ATPAF1: variants seen among roughly 807,000 people sequenced by gnomAD.
ATPAF1 encodes the protein ATP synthase mitochondrial F1 complex assembly factor 1.
Under a neutral mutation model 43.9 loss-of-function variants are expected in ATPAF1, and 26 were observed. That is an observed-to-expected ratio of 0.59 (90% CI 0.43 to 0.82). The LOEUF is 0.82. Among genes scored for constraint, ATPAF1 ranks in the 40% least tolerant of loss-of-function variants. The pLI, the probability that ATPAF1 is intolerant of heterozygous loss-of-function variation, is 0.00. For missense variants in ATPAF1, 366 were observed against 435.0 expected (o/e 0.84, Z 1.41); for synonymous variants, 157 against 168.0 (o/e 0.93, Z 0.50).
intron 6 of ATPAF1, among the ~76,000 whole-genome samples, chr1:46,646,205 T>A (rs1569604016): frequency 6.6e-6 from 1 of 152,210 alleles, no homozygotes; most frequent in Admixed American, 6.5e-5. Flanking sequence ...TATCAAAGTG[T>A]GTGTATCCTT....
intron 1 of ATPAF1, chr1:46,665,683 G>T (rs1271420970): frequency 2.0e-6 from 3 of 1,535,552 alleles, no homozygotes; most frequent in East Asian, 2.4e-5. Flanking sequence ...CATCTTGCTG[G>T]ATCACCTCTT....
chr1:46,661,897 C>T (rs656263), intron 2 of ATPAF1, among the ~76,000 whole-genome samples: 115,887 of 147,544 alleles, frequency 0.79, 45,146 homozygotes, highest in Middle Eastern at 0.83. Context: ...AAATTTCTTT[C>T]TTTTTTTTTT....
intron 6 of ATPAF1, among the ~76,000 whole-genome samples, chr1:46,652,205 C>CAAAAAA (rs10718568): frequency 9.1e-6 from 1 of 109,792 alleles, no homozygotes. Context: ...ATAATAAAAG[C>CAAAAAA]AAAAAAAAAA....
At chr1:46,635,808 G>A (rs1001136725) in exon 9 of ATPAF1, 4 of 1,614,060 alleles carry the variant, frequency 2.5e-6, no homozygotes, top group Non-Finnish European at 3.4e-6. Flanking sequence ...GCACATTTCA[G>A]TTCTGCTCCA....
At chr1:46,632,806 T>C (rs1260181102), downstream of ATPAF1, 2 of 152,658 alleles carry the variant, frequency 1.3e-5, no homozygotes, top group Admixed American at 1.3e-4. Flanking sequence ...CCAGGCCATG[T>C]CCTTGGCACT....
intron 1 of ATPAF1, chr1:46,665,712 C>T: frequency 1.3e-6 from 2 of 1,531,302 alleles, no homozygotes; most frequent in Non-Finnish European, 1.7e-6. Context: ...AATCCTATAG[C>T]CTCCTTACTA....
At chr1:46,652,306 G>T in intron 6 of ATPAF1, 1 of 306,210 alleles carries the variant, frequency 3.3e-6, no homozygotes, top group Non-Finnish European at 6.1e-6. Context: ...AAGGGCTGAT[G>T]TGGTAGGGAG....
chr1:46,657,326 T>C (rs1416379464), intron 4 of ATPAF1, among the ~76,000 whole-genome samples: 1 of 151,988 alleles, frequency 6.6e-6, no homozygotes, highest in Non-Finnish European at 1.5e-5. Flanking sequence ...GAATCACAGG[T>C]ATAAAAATAT....
chr1:46,658,704 C>T (rs770441484), exon 3 of ATPAF1: 3 of 1,602,574 alleles, frequency 1.9e-6, no homozygotes, highest in African/African-American at 2.7e-5. Context: ...TTAGTGAATC[C>T]TCTGTTCACA....
chr1:46,653,713 T>C lies in ATPAF1; in HGVS notation c.540+104A>G. On this transcript the variant is annotated intron_variant, in intron 5 of 8. Transcript: ENST00000574428. This position sits in a 1 kb window ranked among gnomAD's most constrained non-coding sequence, Gnocchi z 4.8. The stretch of plus-strand genomic sequence containing the variant: ...TCTCAGGGCTGTAAAATGCAGCTTC[T>C]CAAGAGGCAATAAACATAGGAAAAG... The C allele has an allele frequency of 1.9e-6, 2 of 1,073,212 alleles. No homozygotes were observed. The highest frequency in any genetic ancestry group is 2.7e-6 in the Non-Finnish European group (2 of 736,296). The allele number at this position is 1,073,212 out of a possible 1,614,324, so 66.5% of individuals were successfully genotyped here.
At chr1:46,647,670 A>T (rs1285309449) in intron 6 of ATPAF1, among the ~76,000 whole-genome samples, 1 of 152,226 alleles carries the variant, frequency 6.6e-6, no homozygotes, top group Non-Finnish European at 1.5e-5. Context: ...TTGGGAAAAT[A>T]TCTAGAAATG....
rs1309916215 is a variant in ATPAF1, at chr1:46,653,778, ATGT to A, written c.540+36_540+38del. 6.3e-7 allele frequency: 1 copy of A among 1,592,176 alleles called. No individual in the cohort carries two copies. Among genetic ancestry groups the A allele is most frequent in the East Asian group, 2.3e-5 (1 of 44,310 alleles). On this transcript the variant is annotated intron_variant, in intron 5 of 8. Transcript: ENST00000574428. The surrounding 1 kb of genome is among the most constrained non-coding windows in gnomAD (Gnocchi z 4.8). ...TGCTAAGGTTAGAGAACTGACTTTC[ATGT>A]TGTAACACTTTCACTTTGCCCTCCA...
At chr1:46,655,510 G>A (rs920383266) in intron 4 of ATPAF1, among the ~76,000 whole-genome samples, 1 of 152,054 alleles carries the variant, frequency 6.6e-6, no homozygotes, top group African/African-American at 2.4e-5. Flanking sequence ...AATGCCCATA[G>A]TCCTACCACC....
intron 7 of ATPAF1, among the ~76,000 whole-genome samples, chr1:46,644,845 TAA>T: frequency 6.6e-6 from 1 of 152,286 alleles, no homozygotes; most frequent in Middle Eastern, 3.4e-3. Context: ...TAGCTTGGGT[TAA>T]AAAGATAGCC....
At position 46,668,023 on chromosome 1, in the gene ATPAF1, C is replaced by G. The variant is rs1676520797; in HGVS notation, c.266+34G>C. 3 of 1,338,100 alleles carry G rather than the reference C, an allele frequency of 2.2e-6. No individual in the cohort carries two copies. The South Asian group carries it at 6.1e-5, about 27-fold the overall frequency. The allele number at this position is 1,338,100 out of a possible 1,614,324, so 82.9% of individuals were successfully genotyped here. A position where few individuals can be genotyped will look rare whatever the true frequency, so the allele number is the denominator to read the frequency against. On this transcript the variant is annotated intron_variant, in intron 1 of 8. Coordinates refer to ENST00000574428, the Ensembl canonical transcript of ATPAF1. This position sits in a 1 kb window ranked among gnomAD's most constrained non-coding sequence, Gnocchi z 4.4. ...CAGCCCGGGCCGCCCCTCCTCCCGC[C>G]TCCTGCCCGCCTCCAGCCAACCCAG...
At chr1:46,643,959 G>C (rs1675992546) in intron 7 of ATPAF1, among the ~76,000 whole-genome samples, 1 of 152,160 alleles carries the variant, frequency 6.6e-6, no homozygotes, top group South Asian at 2.1e-4. Flanking sequence ...TTCAAAAGAA[G>C]ATTCCTAGAC....
Position 46,668,313 on chromosome 1 carries a change from C to T in ATPAF1, c.10G>A (p.Val4Met), listed in dbSNP as rs1676530485. 1 of 1,376,880 alleles carries T rather than the reference C, an allele frequency of 7.3e-7. No individual in the cohort carries two copies. Among genetic ancestry groups the T allele is most frequent in the Non-Finnish European group, 9.4e-7 (1 of 1,060,532 alleles). 85.3% of individuals were successfully genotyped at this position (1,376,880 alleles called of 1,614,324 possible). ...GCGCCACCCGCAGCCGCCACCACCA[C>T]AGCAGCCATGGCCGCCCCCGCCTCC... The change falls in exon 1 of 9, where the codon GTG (valine) becomes ATG (methionine). Residue 4 changes from valine (V) to methionine (M), a missense_variant. Transcript: ENST00000574428. This position sits in a 1 kb window ranked among gnomAD's most constrained non-coding sequence, Gnocchi z 4.4.
intron 4 of ATPAF1, among the ~76,000 whole-genome samples, chr1:46,657,926 A>G (rs1290710273): frequency 1.3e-5 from 2 of 152,210 alleles, no homozygotes; most frequent in Non-Finnish European, 1.5e-5. Context: ...AAGAAACTAG[A>G]CATACAAGTT....
At chr1:46,644,870 G>T (rs190324161) in intron 7 of ATPAF1, among the ~76,000 whole-genome samples, 3 of 152,126 alleles carry the variant, frequency 2.0e-5, no homozygotes, top group Admixed American at 1.3e-4. Context: ...CATAACTCAG[G>T]CATGTTTGTT....
Sources: gnomAD v4.1 joint callset for allele counts (sites outside exome capture counted in the v4.1 genomes callset) on GRCh38, gnomAD v4.1.1 for gene constraint, Gnocchi (gnomAD v3.1) non-coding constraint, MANE v1.5 for transcripts, NCBI Gene and HGNC (gene_info 2026-07-23, HGNC 2026-07-21) for gene names.